Variants in AFAP1L2 observed in about 807,000 individuals in gnomAD.
AFAP1L2 encodes the protein actin filament associated protein 1 like 2.
Under a neutral mutation model 99.3 loss-of-function variants are expected in AFAP1L2, and 46 were observed. The observed-to-expected ratio is 0.46, with a 90% CI of 0.37 to 0.59. AFAP1L2 has a LOEUF of 0.59. Ranked by LOEUF, AFAP1L2 falls within the 20% of genes least tolerant of loss-of-function variation. The pLI, the probability that AFAP1L2 is intolerant of heterozygous loss-of-function variation, is 0.00. For synonymous variants in AFAP1L2, 397 were observed against 419.1 expected, an observed-to-expected ratio of 0.95 and a Z score of 0.64; for missense variants, 959 against 1,034.9, an observed-to-expected ratio of 0.93 and a Z score of 1.01.
chr10:114,363,722 A>C (rs967640650), intron 1 of AFAP1L2, among the ~76,000 whole-genome samples: 10 of 152,150 alleles, frequency 6.6e-5, no homozygotes, highest in African/African-American at 2.4e-4. Flanking sequence ...TGATCAGTCC[A>C]TTTGGCTTCT....
chr10:114,317,915 GC>G (rs1270966085), intron 5 of AFAP1L2, among the ~76,000 whole-genome samples: 1 of 152,200 alleles, frequency 6.6e-6, no homozygotes, highest in African/African-American at 2.4e-5. Context: ...TCATTCAAAT[GC>G]TGTTTAGCAG....
intron 1 of AFAP1L2, among the ~76,000 whole-genome samples, chr10:114,376,408 A>T (rs1225680876): frequency 1.3e-5 from 2 of 152,222 alleles, no homozygotes; most frequent in Non-Finnish European, 2.9e-5. Context: ...CAATTAAGAG[A>T]ACTAAACTTT....
At chr10:114,327,173 A>ATATTTTT (rs1491191152) in intron 4 of AFAP1L2, among the ~76,000 whole-genome samples, 3 of 18,690 alleles carry the variant, frequency 1.6e-4, no homozygotes, top group African/African-American at 3.4e-4. Flanking sequence ...ATATATATAT[A>ATATTTTT]TTTTTTTTTT....
chr10:114,398,782 G>A (rs924185935), intron 1 of AFAP1L2: 1 of 1,274,600 alleles, frequency 7.8e-7, no homozygotes, highest in African/African-American at 1.5e-5. Context: ...GCAGAGCCAG[G>A]TCTGCACCCT....
intron 1 of AFAP1L2, among the ~76,000 whole-genome samples, chr10:114,359,125 T>C (rs966586173): frequency 6.6e-6 from 1 of 152,088 alleles, no homozygotes; most frequent in African/African-American, 2.4e-5. Context: ...TTACAAGAGG[T>C]AATGTAAGAA....
rs187707295 is a variant in AFAP1L2, at chr10:114,339,225, G to A, written c.145+1378C>T. Among the ~76,000 whole-genome samples the A allele has an allele frequency of 3.4e-3, 523 of 152,278 alleles. 1 individual carries two copies. Among genetic ancestry groups the A allele is most frequent in the East Asian group, 0.015 (77 of 5,178 alleles). On this transcript the variant is annotated intron_variant, in intron 2 of 18. Coordinates refer to ENST00000304129, the MANE Select transcript of AFAP1L2 (RefSeq NM_001001936.3). ...TGTAATCCCAGCACTTTGGGAGGCCGAGGCGGGCGGATCACGAGGTCAGGA... is the reference window on the plus strand; with the variant it reads ...TGTAATCCCAGCACTTTGGGAGGCCAAGGCGGGCGGATCACGAGGTCAGGA...
chr10:114,338,821 G>A lies in AFAP1L2; in HGVS notation c.145+1782C>T, dbSNP rs533167676. ...ATATCTTGTTTTGGGTGATCAGGAC[G>A]CAAGGGTATACAATTATCAAAACTC... On this transcript the variant is annotated intron_variant, in intron 2 of 18. Transcript: ENST00000304129. Among the ~76,000 whole-genome samples, 10 of 152,294 alleles carry A rather than the reference G, an allele frequency of 6.6e-5. No homozygotes were observed. The South Asian group carries it at 8.3e-4, about 13-fold the overall frequency.
At chr10:114,352,140 T>TAC (rs781560684) in intron 1 of AFAP1L2, among the ~76,000 whole-genome samples, 17 of 152,018 alleles carry the variant, frequency 1.1e-4, no homozygotes, top group Non-Finnish European at 1.8e-4. Flanking sequence ...AGACTGTAAA[T>TAC]ACACACACAC....
At chr10:114,323,033 T>C in intron 5 of AFAP1L2, 138 bp downstream of exon 5, 2 of 754,558 alleles carry the variant, frequency 2.7e-6, no homozygotes, top group Non-Finnish European at 4.3e-6. Context: ...GGACCATGCT[T>C]TCCTGTCACA....
chr10:114,379,200 G>A (rs1490480836), intron 1 of AFAP1L2, among the ~76,000 whole-genome samples: 9 of 125,470 alleles, frequency 7.2e-5, no homozygotes, highest in African/African-American at 2.4e-4. Context: ...ACGACAGAGT[G>A]AGACTCTGTC....
intron 7 of AFAP1L2, among the ~76,000 whole-genome samples, chr10:114,313,096 G>A (rs548094170): frequency 4.0e-5 from 6 of 151,838 alleles, no homozygotes; most frequent in Non-Finnish European, 7.4e-5. Context: ...CTTCTGGGCT[G>A]AAGTGGTTGT....
intron 5 of AFAP1L2, among the ~76,000 whole-genome samples, chr10:114,321,176 AATG>A (rs1452961353): frequency 6.6e-6 from 1 of 152,080 alleles, no homozygotes; most frequent in East Asian, 1.9e-4. Context: ...TGCATTCTTT[AATG>A]ATGATTTCTG....
chr10:114,306,470 C>T (rs1201490525), intron 10 of AFAP1L2, among the ~76,000 whole-genome samples: 1 of 150,296 alleles, frequency 6.7e-6, no homozygotes, highest in East Asian at 2.0e-4. Context: ...CAGACACCTT[C>T]CCTGTCCTAA....
At chr10:114,355,210 G>T (rs891578804) in intron 1 of AFAP1L2, among the ~76,000 whole-genome samples, 1 of 151,936 alleles carries the variant, frequency 6.6e-6, no homozygotes, top group African/African-American at 2.4e-5. Context: ...GATGCGGGTG[G>T]GGGGAGGTTG....
At chr10:114,355,183 T>C (rs949997855) in intron 1 of AFAP1L2, among the ~76,000 whole-genome samples, 1 of 151,804 alleles carries the variant, frequency 6.6e-6, no homozygotes, top group African/African-American at 2.4e-5. Context: ...CAGTGGAGTA[T>C]AGCAGGCCTA....
intron 1 of AFAP1L2, among the ~76,000 whole-genome samples, chr10:114,364,906 T>G (rs2052984944): frequency 2.0e-5 from 3 of 152,192 alleles, no homozygotes; most frequent in Admixed American, 2.0e-4. Flanking sequence ...AATTTTGTTT[T>G]GTTTTAACAT....
At chr10:114,319,268 C>T (rs1458457429) in intron 5 of AFAP1L2, among the ~76,000 whole-genome samples, 1 of 151,976 alleles carries the variant, frequency 6.6e-6, no homozygotes, top group Non-Finnish European at 1.5e-5. Context: ...CCATCCCCAT[C>T]TGCCATCCCT....
chr10:114,312,425 G>A (rs572221215), intron 7 of AFAP1L2, among the ~76,000 whole-genome samples: 5 of 152,138 alleles, frequency 3.3e-5, no homozygotes, highest in Admixed American at 6.5e-5. Context: ...TGTGTAGTGG[G>A]TGAGGCAGGA....
At chr10:114,373,517 T>C (rs976517683) in intron 1 of AFAP1L2, among the ~76,000 whole-genome samples, 1 of 151,842 alleles carries the variant, frequency 6.6e-6, no homozygotes, top group Non-Finnish European at 1.5e-5. Flanking sequence ...CCCAGCTACT[T>C]GGGAACCTGA....
Sources: allele counts gnomAD v4.1 joint callset (sites outside exome capture counted in the v4.1 genomes callset), GRCh38; gene constraint gnomAD v4.1.1; transcripts MANE v1.5; gene names NCBI Gene and HGNC (gene_info 2026-07-23, HGNC 2026-07-21).